The following CREBBP variants were observed in gnomAD, a reference collection of about 807,000 sequenced individuals.
CREBBP encodes CREB binding lysine acetyltransferase.
In CREBBP, 19 loss-of-function variants were observed where a neutral mutation model predicts 265.0. The ratio of observed to expected loss-of-function variants is 0.07; its 90% CI spans 0.05 to 0.11. The LOEUF (loss-of-function observed/expected upper bound fraction) is 0.11, where lower values mean the gene tolerates loss of function less well. Among genes scored for constraint, CREBBP ranks in the 10% least tolerant of loss-of-function variants. The pLI, the probability that CREBBP is intolerant of heterozygous loss-of-function variation, is 1.00. For synonymous variants in CREBBP, 1,457 were observed against 1,223.7 expected (o/e 1.19, Z -3.98); for missense variants, 2,525 against 3,219.0 (o/e 0.78, Z 5.22).
intron 2 of CREBBP, among the ~76,000 whole-genome samples, chr16:3,815,233 G>A (rs142286940): frequency 1.3e-5 from 2 of 152,098 alleles, no homozygotes; most frequent in African/African-American, 2.4e-5. Context: ...TTCTTTAAAC[G>A]TCCCAACAGG....
chr16:3,762,449 G>A (rs1288840500), intron 16 of CREBBP, among the ~76,000 whole-genome samples: 1 of 148,806 alleles, frequency 6.7e-6, no homozygotes, highest in African/African-American at 2.5e-5. Context: ...CAAAGTGCTG[G>A]GATTACAGGC....
rs999964994 is a variant in CREBBP, at chr16:3,731,171, G to T, written c.5172+21C>A. On this transcript the variant is annotated intron_variant, in intron 30 of 30. Transcript: ENST00000262367. The surrounding 1 kb of genome is among the most constrained non-coding windows in gnomAD (Gnocchi z 7.7). ...CAGACCCCAGGCCGGCTGTGGGGGT[G>T]GGGGTGGGGGCAGGGCCTACCTCGC... 2 of 1,604,330 alleles carry T rather than the reference G, an allele frequency of 1.2e-6. No individual in the cohort carries two copies. Among genetic ancestry groups the T allele is most frequent in the Admixed American group, 1.7e-5 (1 of 59,876 alleles).
In CREBBP at chr16:3,767,504, C is replaced by G. The variant is rs993115249; in HGVS notation, c.3250+216G>C. ...AGCCTGGGTGCCCTCGGAGCAGCAGCTCATCTCTCACTCCTGCCATGAGCC... is the reference window on the plus strand; with the variant it reads ...AGCCTGGGTGCCCTCGGAGCAGCAGGTCATCTCTCACTCCTGCCATGAGCC... On this transcript the variant is annotated intron_variant, in intron 16 of 30. Transcript: ENST00000262367. 19 of 636,760 alleles carry G rather than the reference C, an allele frequency of 3.0e-5. No homozygotes were observed. The Admixed American group carries it at 5.6e-4, about 19-fold the overall frequency. The allele number at this position is 636,760 out of a possible 1,614,324, so 39.4% of individuals were successfully genotyped here.
chr16:3,860,364 G>T (rs937766335), intron 1 of CREBBP, among the ~76,000 whole-genome samples: 1 of 152,026 alleles, frequency 6.6e-6, no homozygotes, highest in African/African-American at 2.4e-5. Flanking sequence ...AAGAGATGGG[G>T]TCTGTGTTGC....
At chr16:3,764,618 C>G (rs755000453) in intron 16 of CREBBP, among the ~76,000 whole-genome samples, 1 of 152,146 alleles carries the variant, frequency 6.6e-6, no homozygotes, top group Non-Finnish European at 1.5e-5. Context: ...GGGCCTTGCT[C>G]TGTTGTCCAG....
intron 2 of CREBBP, among the ~76,000 whole-genome samples, chr16:3,813,637 G>A (rs952243881): frequency 6.6e-6 from 1 of 151,960 alleles, no homozygotes; most frequent in Non-Finnish European, 1.5e-5. Flanking sequence ...TTCTGACTTC[G>A]GACAAAATAT....
intron 2 of CREBBP, among the ~76,000 whole-genome samples, chr16:3,824,178 G>A (rs1172943475): frequency 6.6e-6 from 1 of 152,252 alleles, no homozygotes; most frequent in Non-Finnish European, 1.5e-5. Flanking sequence ...AGGGAGAGGG[G>A]TCCTGACTGG....
intron 1 of CREBBP, among the ~76,000 whole-genome samples, chr16:3,856,103 A>T (rs1247147959): frequency 6.6e-6 from 1 of 152,232 alleles, no homozygotes; most frequent in Non-Finnish European, 1.5e-5. Context: ...AAAAGAAAAT[A>T]TGTACCCCCC....
At chr16:3,800,662 T>C (rs2141309818) in intron 3 of CREBBP, among the ~76,000 whole-genome samples, 1 of 152,278 alleles carries the variant, frequency 6.6e-6, no homozygotes. Flanking sequence ...CTCCCACGAC[T>C]GTGCTTGTGA....
intron 3 of CREBBP, among the ~76,000 whole-genome samples, chr16:3,805,258 C>G (rs180714746): frequency 6.6e-6 from 1 of 152,196 alleles, no homozygotes; most frequent in African/African-American, 2.4e-5. Flanking sequence ...CAAGGGCTTA[C>G]TTCCAAACCT....
At chr16:3,844,372 C>A (rs1022255633) in intron 2 of CREBBP, among the ~76,000 whole-genome samples, 8 of 152,166 alleles carry the variant, frequency 5.3e-5, no homozygotes, top group African/African-American at 1.2e-4. Context: ...AAAACCTACA[C>A]AGATAATCTG....
Position 3,863,263 on chromosome 16 carries a change from T to C in CREBBP, c.86-12254A>G, listed in dbSNP as rs1194534013. On this transcript the variant is annotated intron_variant, in intron 1 of 30. Transcript: ENST00000262367. ...ACTCTGTATCAGGTATCAAAAAACA[T>C]CCTGCTTCGCTGAATGATTACTATT... Among the ~76,000 whole-genome samples, 5 of 152,162 alleles carry C rather than the reference T, an allele frequency of 3.3e-5. No individual in the cohort carries two copies. The East Asian group carries it at 9.6e-4, about 29-fold the overall frequency.
At chr16:3,841,665 T>C (rs1856352882) in intron 2 of CREBBP, among the ~76,000 whole-genome samples, 1 of 151,980 alleles carries the variant, frequency 6.6e-6, no homozygotes, top group Non-Finnish European at 1.5e-5. Context: ...ATATTAGAGA[T>C]TTCCAATAAT....
chr16:3,798,396 GAA>G (rs2053648780), intron 3 of CREBBP, among the ~76,000 whole-genome samples: 1 of 152,192 alleles, frequency 6.6e-6, no homozygotes, highest in Admixed American at 6.5e-5. Context: ...AGTGGAAAGT[GAA>G]AGAGAAAATA....
intron 20 of CREBBP, among the ~76,000 whole-genome samples, chr16:3,750,021 G>A (rs1404045307): frequency 6.6e-6 from 1 of 152,114 alleles, no homozygotes; most frequent in South Asian, 2.1e-4. Context: ...CTGGGTAGCT[G>A]GGACTATAGG....
chr16:3,825,778 C>G (rs2141394640), intron 2 of CREBBP, among the ~76,000 whole-genome samples: 1 of 152,066 alleles, frequency 6.6e-6, no homozygotes, highest in Non-Finnish European at 1.5e-5. Flanking sequence ...TTATAAGAGA[C>G]AAAGTTTTCA....
In CREBBP at chr16:3,749,594, C is replaced by T; in HGVS notation, c.3836+33G>A. 5 of 1,524,732 alleles carry T rather than the reference C, an allele frequency of 3.3e-6. No individual in the cohort carries two copies. The South Asian group carries it at 4.6e-5, about 14-fold the overall frequency. 94.5% of individuals were successfully genotyped at this position (1,524,732 alleles called of 1,614,324 possible). A position where few individuals can be genotyped will look rare whatever the true frequency, so the allele number is the denominator to read the frequency against. ...TAACTTTACCGATTTCAAACCAAAA[C>T]TGAAAGTAAAAAAGAAATAGCTATA... On this transcript the variant is annotated intron_variant, in intron 21 of 30. Transcript: ENST00000262367.
intron 25 of CREBBP, among the ~76,000 whole-genome samples, chr16:3,739,149 G>A (rs1453113703): frequency 6.6e-6 from 1 of 152,156 alleles, no homozygotes; most frequent in Non-Finnish European, 1.5e-5. Flanking sequence ...TTCAGTTTTC[G>A]TCACTGAACA....
At chr16:3,848,911 T>C (rs375370116) in intron 2 of CREBBP, among the ~76,000 whole-genome samples, 11 of 152,202 alleles carry the variant, frequency 7.2e-5, no homozygotes, top group South Asian at 2.1e-4. Context: ...AATTTAAACA[T>C]TGAGCATTAC....
Sources: gnomAD v4.1 joint callset for allele counts (sites outside exome capture counted in the v4.1 genomes callset) on GRCh38, gnomAD v4.1.1 for gene constraint, Gnocchi (gnomAD v3.1) non-coding constraint, MANE v1.5 for transcripts, NCBI Gene and HGNC (gene_info 2026-07-23, HGNC 2026-07-21) for gene names.